The following RPTOR variants were observed in gnomAD, a reference collection of about 807,000 sequenced individuals.
The protein encoded by RPTOR is regulatory associated protein of MTOR complex 1.
RPTOR carries 21 observed loss-of-function variants against 169.9 expected under a neutral mutation model. That is an observed-to-expected ratio of 0.12 (90% CI 0.09 to 0.18). The LOEUF (loss-of-function observed/expected upper bound fraction) is 0.18, where lower values mean the gene tolerates loss of function less well. Among genes scored for constraint, RPTOR ranks in the 10% least tolerant of loss-of-function variants. RPTOR has a pLI of 1.00. For synonymous variants in RPTOR, 732 were observed against 753.2 expected, an observed-to-expected ratio of 0.97 and a Z score of 0.46; for missense variants, 1,133 against 1,855.9, an observed-to-expected ratio of 0.61 and a Z score of 7.16.
chr17:80,839,760 G>A (rs936931467), intron 10 of RPTOR, among the ~76,000 whole-genome samples: 1 of 152,146 alleles, frequency 6.6e-6, no homozygotes, highest in South Asian at 2.1e-4. Context: ...GGCTTCACTC[G>A]GTACTTTTAA....
Position 80,660,959 on chromosome 17 carries a change from C to T in RPTOR, c.348+17149C>T, listed in dbSNP as rs150148450. Among the ~76,000 whole-genome samples, 5 of 152,346 alleles carry T rather than the reference C, an allele frequency of 3.3e-5. No homozygotes were observed. In the East Asian group the frequency reaches 9.7e-4, roughly 29 times the overall value. Reference sequence around the variant, plus strand: ...TCAAGGTCAAGCTCCAACCCCCACCCCCAGCCCAGCTGCCCTTGGGGGTTT... The same window carrying T: ...TCAAGGTCAAGCTCCAACCCCCACCTCCAGCCCAGCTGCCCTTGGGGGTTT... On this transcript the variant is annotated intron_variant, in intron 3 of 33. Coordinates refer to ENST00000306801, the MANE Select transcript of RPTOR (RefSeq NM_020761.3).
chr17:80,917,785 C>T (rs556163893), intron 21 of RPTOR, among the ~76,000 whole-genome samples: 1 of 152,268 alleles, frequency 6.6e-6, no homozygotes, highest in East Asian at 1.9e-4. Context: ...TCTCTGAAGC[C>T]ATTGGACTCT....
intron 3 of RPTOR, among the ~76,000 whole-genome samples, chr17:80,690,462 C>G (rs138539833): frequency 6.6e-6 from 1 of 152,224 alleles, no homozygotes; most frequent in Non-Finnish European, 1.5e-5. Context: ...CACCCCAGCA[C>G]TCTCTGTGCA....
At chr17:80,686,585 C>A (rs1206987355) in intron 3 of RPTOR, among the ~76,000 whole-genome samples, 1 of 152,140 alleles carries the variant, frequency 6.6e-6, no homozygotes, top group Non-Finnish European at 1.5e-5. Context: ...GGTATTCTCT[C>A]TTGAAACACT....
intron 21 of RPTOR, among the ~76,000 whole-genome samples, chr17:80,922,277 C>T (rs956126587): frequency 1.3e-5 from 2 of 152,190 alleles, no homozygotes; most frequent in Non-Finnish European, 2.9e-5. Flanking sequence ...GCCTCTGACC[C>T]GAGAGCTGAG....
chr17:80,862,941 A>C (rs2067936580), intron 13 of RPTOR, among the ~76,000 whole-genome samples: 2 of 152,182 alleles, frequency 1.3e-5, no homozygotes, highest in Admixed American at 1.3e-4. Context: ...GACACACTTA[A>C]GAGTTTGAGA....
intron 1 of RPTOR, among the ~76,000 whole-genome samples, chr17:80,594,387 C>T (rs1313165087): frequency 6.6e-6 from 1 of 152,192 alleles, no homozygotes; most frequent in South Asian, 2.1e-4. Flanking sequence ...CCACCACGCC[C>T]GGCCGTGCAG....
chr17:80,743,821 C>CTAT (rs2066517771), intron 5 of RPTOR, among the ~76,000 whole-genome samples: 2 of 73,866 alleles, frequency 2.7e-5, no homozygotes, highest in African/African-American at 4.3e-5. Context: ...ACTAGCAGAG[C>CTAT]CCTGGCTACT....
intron 6 of RPTOR, among the ~76,000 whole-genome samples, chr17:80,780,778 CG>C (rs977559673): frequency 2.6e-5 from 4 of 152,170 alleles, no homozygotes; most frequent in Admixed American, 6.5e-5. Flanking sequence ...ACCCTCCCCC[CG>C]GGGGGCCTCA....
chr17:80,896,379 G>GGCCGCGCCGACACCCCCCA (rs1413818828), intron 20 of RPTOR, among the ~76,000 whole-genome samples: 1 of 99,528 alleles, frequency 1.0e-5, no homozygotes, highest in African/African-American at 3.7e-5. Context: ...GACACCCCAC[G>GGCCGCGCCGACACCCCCCA]CGGCCTCGCT....
chr17:80,905,096 A>C (rs2068524063), intron 20 of RPTOR, among the ~76,000 whole-genome samples: 2 of 152,070 alleles, frequency 1.3e-5, no homozygotes, highest in Non-Finnish European at 2.9e-5. Flanking sequence ...CCCCACACAC[A>C]TCCCCCATCG....
chr17:80,775,713 TTTG>T (rs2143433689), intron 6 of RPTOR, among the ~76,000 whole-genome samples: 1 of 152,322 alleles, frequency 6.6e-6, no homozygotes, highest in Admixed American at 6.5e-5. Flanking sequence ...AGAGGGAGCC[TTTG>T]CTATCTTTTA....
rs185817745 is a variant in RPTOR, at chr17:80,567,723, C to T, written c.162+21932C>T. Among the ~76,000 whole-genome samples the T allele has an allele frequency of 7.6e-3, 1,151 of 151,436 alleles. 8 individuals carry two copies. Among genetic ancestry groups the T allele is most frequent in the African/African-American group, 0.027 (1,102 of 41,294 alleles). ...AGGAGAATTGCTTGAACCCGGGAGGCGGAGGTTGCAGCGAGCCGAGATCGC... is the reference window on the plus strand; with the variant it reads ...AGGAGAATTGCTTGAACCCGGGAGGTGGAGGTTGCAGCGAGCCGAGATCGC... On this transcript the variant is annotated intron_variant, in intron 1 of 33. Coordinates refer to ENST00000306801, the MANE Select transcript of RPTOR (RefSeq NM_020761.3).
At chr17:80,751,129 C>T (rs1357959887) in intron 5 of RPTOR, among the ~76,000 whole-genome samples, 1 of 152,154 alleles carries the variant, frequency 6.6e-6, no homozygotes, top group African/African-American at 2.4e-5. Context: ...GATGACAGTG[C>T]GTTCTGTACC....
chr17:80,887,845 T>A (rs990461202), intron 17 of RPTOR, among the ~76,000 whole-genome samples: 15 of 151,870 alleles, frequency 9.9e-5, no homozygotes, highest in African/African-American at 3.6e-4. Context: ...AATTTAAAAG[T>A]CAGCAAATTC....
chr17:80,918,445 A>AGTCATAGCCACGAGCACCCTCGCAGGG (rs71166110), intron 21 of RPTOR, among the ~76,000 whole-genome samples: 1 of 84,388 alleles, frequency 1.2e-5, no homozygotes. Flanking sequence ...CCCTCGCCGG[A>AGTCATAGCCACGAGCACCCTCGCAGGG]GTCATAGCCA....
Position 80,845,811 on chromosome 17 carries a change from A to G in RPTOR, c.1213-662A>G, listed in dbSNP as rs2067722371. Among the ~76,000 whole-genome samples the G allele has an allele frequency of 6.6e-6, 1 of 152,182 alleles. No homozygotes were observed. The highest frequency in any genetic ancestry group is 1.5e-5 in the Non-Finnish European group (1 of 68,028). ...TGGCTGCGCTTTTGCCCAACTCCAG[A>G]GCGTTCTTGCTGCTGATCCGGGGCC... On this transcript the variant is annotated intron_variant, in intron 10 of 33. Transcript: ENST00000306801. The surrounding 1 kb of genome is among the most constrained non-coding windows in gnomAD (Gnocchi z 5.4).
chr17:80,718,531 G>A (rs1416217302), intron 4 of RPTOR, among the ~76,000 whole-genome samples: 1 of 152,142 alleles, frequency 6.6e-6, no homozygotes, highest in Non-Finnish European at 1.5e-5. Context: ...GAGAGAGAGA[G>A]TTGTGCCAGC....
chr17:80,671,179 G>A (rs983215908), intron 3 of RPTOR, among the ~76,000 whole-genome samples: 1 of 152,140 alleles, frequency 6.6e-6, no homozygotes, highest in South Asian at 2.1e-4. Flanking sequence ...TGCTCCACGG[G>A]CCCCTCCTGG....
Sources: allele counts gnomAD v4.1 joint callset (sites outside exome capture counted in the v4.1 genomes callset), GRCh38; gene constraint gnomAD v4.1.1; non-coding constraint Gnocchi (gnomAD v3.1); transcripts MANE v1.5; gene names NCBI Gene and HGNC (gene_info 2026-07-23, HGNC 2026-07-21).